Variants in HS3ST2 observed in about 807,000 individuals in gnomAD.
HS3ST2 encodes the protein heparan sulfate-glucosamine 3-sulfotransferase 2.
Under a neutral mutation model 26.3 loss-of-function variants are expected in HS3ST2, and 17 were observed. That is an observed-to-expected ratio of 0.65 (90% CI 0.44 to 0.97). The LOEUF is 0.97. Among genes scored for constraint, HS3ST2 ranks in the 50% least tolerant of loss-of-function variants. The pLI is 0.00. For synonymous variants in HS3ST2, 237 were observed against 219.2 expected (o/e 1.08, Z -0.72); for missense variants, 402 against 501.2 (o/e 0.80, Z 1.89).
chr16:22,837,768 A>C (rs1366701911), intron 1 of HS3ST2, among the ~76,000 whole-genome samples: 2 of 151,916 alleles, frequency 1.3e-5, no homozygotes, highest in African/African-American at 4.8e-5. Flanking sequence ...AAGAACAATT[A>C]TAACTATACT....
At chr16:22,848,395 T>C (rs1370419645) in intron 1 of HS3ST2, among the ~76,000 whole-genome samples, 1 of 152,208 alleles carries the variant, frequency 6.6e-6, no homozygotes, top group Non-Finnish European at 1.5e-5. Context: ...TTTTATTTCC[T>C]GCAATCCCCA....
chr16:22,861,852 G>A (rs370787899), intron 1 of HS3ST2, among the ~76,000 whole-genome samples: 10 of 152,168 alleles, frequency 6.6e-5, no homozygotes, highest in African/African-American at 2.4e-4. Context: ...CCCTGCCTCG[G>A]GACCTTTGCA....
intron 1 of HS3ST2, among the ~76,000 whole-genome samples, chr16:22,898,362 T>A (rs1473986816): frequency 1.3e-5 from 2 of 152,130 alleles, no homozygotes; most frequent in Non-Finnish European, 2.9e-5. Flanking sequence ...CAGTCTAACC[T>A]GAGGGGAAAG....
chr16:22,871,704 T>A (rs1233160570), intron 1 of HS3ST2, among the ~76,000 whole-genome samples: 1 of 152,138 alleles, frequency 6.6e-6, no homozygotes, highest in Non-Finnish European at 1.5e-5. Context: ...TCAATAAATA[T>A]TTGATGAATG....
At position 22,814,811 on chromosome 16, in the gene HS3ST2, C is replaced by G; in HGVS notation, c.201C>G (p.Leu67=). ...CCAGCGCGGGCGGCCAGAAACTTCT[C>G]CAGAAGTCCCGCCCCTGTGATCCCT... ...RGPSAGGQKL[L]QKSRPCDPSG... Residue 67 remains leucine, a synonymous_variant, in exon 1 of 2, where the codon CTC becomes CTG. Transcript: ENST00000261374. The G allele has an allele frequency of 1.3e-6, 2 of 1,583,214 alleles. No individual in the cohort carries two copies. The highest frequency in any genetic ancestry group is 1.7e-6 in the Non-Finnish European group (2 of 1,165,972).
intron 1 of HS3ST2, among the ~76,000 whole-genome samples, chr16:22,885,189 C>T (rs1380076733): frequency 6.6e-6 from 1 of 152,078 alleles, no homozygotes; most frequent in Non-Finnish European, 1.5e-5. Context: ...CCCCATCCCC[C>T]GTTTTCCCTC....
chr16:22,849,052 T>C (rs1250447537), intron 1 of HS3ST2, among the ~76,000 whole-genome samples: 1 of 152,236 alleles, frequency 6.6e-6, no homozygotes, highest in Non-Finnish European at 1.5e-5. Flanking sequence ...GTGGGTGTTT[T>C]TACATCTGTA....
chr16:22,848,837 G>C (rs1901481962), intron 1 of HS3ST2, among the ~76,000 whole-genome samples: 1 of 152,170 alleles, frequency 6.6e-6, no homozygotes, highest in Non-Finnish European at 1.5e-5. Flanking sequence ...AAGGAACCCT[G>C]ACACCGTACC....
chr16:22,883,501 C>T (rs1462970017), intron 1 of HS3ST2, among the ~76,000 whole-genome samples: 1 of 152,186 alleles, frequency 6.6e-6, no homozygotes, highest in Non-Finnish European at 1.5e-5. Context: ...GGTAGGAAGT[C>T]CAGGCATCCA....
intron 1 of HS3ST2, among the ~76,000 whole-genome samples, chr16:22,850,973 G>A (rs935980288): frequency 1.3e-5 from 2 of 152,164 alleles, no homozygotes; most frequent in Non-Finnish European, 2.9e-5. Flanking sequence ...GCTGTCACCT[G>A]TGAGCTCAGT....
At chr16:22,858,891 T>A (rs1391629664) in intron 1 of HS3ST2, among the ~76,000 whole-genome samples, 10 of 152,192 alleles carry the variant, frequency 6.6e-5, no homozygotes, top group Non-Finnish European at 8.8e-5. Flanking sequence ...TTGGGCCAGG[T>A]GCAGTGGCTT....
chr16:22,893,167 A>G (rs948675625), intron 1 of HS3ST2, among the ~76,000 whole-genome samples: 4 of 152,222 alleles, frequency 2.6e-5, no homozygotes, highest in Non-Finnish European at 4.4e-5. Context: ...TAGCTTCGCT[A>G]TTCAGTACCT....
intron 1 of HS3ST2, chr16:22,833,199 A>G: frequency 4.4e-6 from 2 of 456,010 alleles, no homozygotes; most frequent in Non-Finnish European, 8.8e-6. Context: ...TGCACTTTGT[A>G]TCCACAAGGC....
intron 1 of HS3ST2, among the ~76,000 whole-genome samples, chr16:22,911,636 T>C (rs1233591628): frequency 6.6e-6 from 1 of 152,204 alleles, no homozygotes; most frequent in Non-Finnish European, 1.5e-5. Flanking sequence ...TGTTCACGTC[T>C]TGTAGACATC....
intron 1 of HS3ST2, among the ~76,000 whole-genome samples, chr16:22,897,156 T>C (rs958570611): frequency 6.6e-6 from 1 of 152,228 alleles, no homozygotes; most frequent in African/African-American, 2.4e-5. Context: ...TCTGCTCAAA[T>C]GTCCCCCAGG....
At chr16:22,845,346 T>A (rs946160323) in intron 1 of HS3ST2, among the ~76,000 whole-genome samples, 1 of 139,298 alleles carries the variant, frequency 7.2e-6, no homozygotes, top group Admixed American at 7.0e-5. Flanking sequence ...CTCATCTATT[T>A]ATTTGTGATT....
At chr16:22,825,798 G>A (rs566936180) in intron 1 of HS3ST2, among the ~76,000 whole-genome samples, 86 of 152,292 alleles carry the variant, frequency 5.6e-4, no homozygotes, top group Middle Eastern at 3.4e-3. Context: ...CCAAGGTGGC[G>A]GATAACCTGA....
chr16:22,886,574 A>C (rs1042050210), intron 1 of HS3ST2, among the ~76,000 whole-genome samples: 1 of 152,180 alleles, frequency 6.6e-6, no homozygotes, highest in African/African-American at 2.4e-5. Context: ...GCCAGAAAAC[A>C]ACTTAGCACA....
At chr16:22,876,337 A>G (rs1901916515) in intron 1 of HS3ST2, among the ~76,000 whole-genome samples, 1 of 152,236 alleles carries the variant, frequency 6.6e-6, no homozygotes, top group African/African-American at 2.4e-5. Flanking sequence ...TGGCCAAGAA[A>G]TATATGAAAA....
Sources: gnomAD v4.1 joint callset for allele counts (sites outside exome capture counted in the v4.1 genomes callset) on GRCh38, gnomAD v4.1.1 for gene constraint, MANE v1.5 for transcripts, NCBI Gene and HGNC (gene_info 2026-07-23, HGNC 2026-07-21) for gene names.